PLD3: variants seen among roughly 807,000 people sequenced by gnomAD.
The protein encoded by PLD3 is phospholipase D family member 3, also known as 5'-3' exonuclease PLD3.
PLD3 carries 31 observed loss-of-function variants against 58.4 expected under a neutral mutation model. That is an observed-to-expected ratio of 0.53 (90% CI 0.40 to 0.72). The LOEUF is 0.72. PLD3 is among the 30% of genes least tolerant of loss of function. The probability of loss-of-function intolerance (pLI) is 0.00; values close to 1 mark genes in which losing one functional copy is unlikely to be tolerated. For synonymous variants in PLD3, 264 were observed against 273.4 expected, an observed-to-expected ratio of 0.97 and a Z score of 0.34; for missense variants, 595 against 659.8, an observed-to-expected ratio of 0.90 and a Z score of 1.08.
In PLD3 at chr19:40,370,027, C is replaced by G; in HGVS notation, c.549C>G (p.Ser183Arg). The stretch of plus-strand genomic sequence containing the variant: ...CGGACCTGCAGGCTCTGCTGCAGAG[C>G]GGTGAGCTGGGGCCCAACTGGGGCT... ...PQADLQALLQ[S>R]GAQVRMVDMQ... Residue 183 changes from serine to arginine, a missense_variant and splice_region_variant, in exon 7 of 13, where the codon AGC (serine) becomes AGG (arginine). Physicochemically the swap from Ser to Arg is moderately radical, Grantham distance 110 (BLOSUM62 -1). Transcript: ENST00000409735. 1 of 1,563,780 alleles carries G rather than the reference C, an allele frequency of 6.4e-7. No individual in the cohort carries two copies. The highest frequency in any genetic ancestry group is 1.2e-5 in the South Asian group (1 of 85,620).
At chr19:40,349,361 C>T (rs1190384320) in intron 1 of PLD3, among the ~76,000 whole-genome samples, 1 of 152,116 alleles carries the variant, frequency 6.6e-6, no homozygotes, top group African/African-American at 2.4e-5. Context: ...CCAGTTTTCC[C>T]CATAAGGAGC....
At position 40,371,773 on chromosome 19, in the gene PLD3, C is replaced by G. The variant is rs773251407; in HGVS notation, c.779C>G (p.Ser260Cys). The G allele has an allele frequency of 1.9e-6, 3 of 1,613,986 alleles. No homozygotes were observed. The East Asian group carries it at 6.7e-5, about 36-fold the overall frequency. Reference protein sequence around the residue: ...AYWFLGQAGSSIPSTWPRFYD... With the variant: ...AYWFLGQAGSCIPSTWPRFYD... ...TGGTTCCTGGGCCAGGCAGGCAGCT[C>G]CATCCCATCAACTTGGCCCCGGTTC... The change falls in exon 9 of 13, where the codon TCC becomes TGC. Residue 260 changes from serine to cysteine, a missense_variant. Ser to Cys is a moderately radical substitution (Grantham distance 112, BLOSUM62 -1). Transcript: ENST00000409735.
intron 1 of PLD3, among the ~76,000 whole-genome samples, chr19:40,361,759 A>C (rs1600284034): frequency 8.3e-5 from 12 of 145,086 alleles, no homozygotes; most frequent in South Asian, 4.5e-4. Context: ...AAACAATTCC[A>C]CCCCCACCCC....
rs1038521569 is a variant in PLD3 at position 40,374,502 on chromosome 19, C to G, written c.901C>G (p.Pro301Ala). 1.9e-6 allele frequency: 3 copies of G among 1,614,154 alleles called. No homozygotes were observed. The African/African-American group carries it at 4.0e-5, about 22-fold the overall frequency. The change falls in exon 10 of 13, where the codon CCA becomes GCA. Residue 301 changes from proline to alanine, a missense_variant. By Grantham distance (27) the Pro-to-Ala change is conservative. Transcript: ENST00000409735. ...TCAGAGTGCGCCCCCACCCCTGTGTCCAAGTGGCCGCACTCCAGACCTGAA... is the reference window on the plus strand; with the variant it reads ...TCAGAGTGCGCCCCCACCCCTGTGTGCAAGTGGCCGCACTCCAGACCTGAA... ...YLASAPPPLCPSGRTPDLKAL... is the reference protein window; with the variant it reads ...YLASAPPPLCASGRTPDLKAL...
chr19:40,372,722 T>C (rs1310047977), intron 9 of PLD3, among the ~76,000 whole-genome samples: 1 of 150,648 alleles, frequency 6.6e-6, no homozygotes, highest in African/African-American at 2.4e-5. Context: ...AAACATAATA[T>C]TAATTAAAAT....
chr19:40,361,330 C>G (rs1222139167), intron 1 of PLD3, among the ~76,000 whole-genome samples: 1 of 152,064 alleles, frequency 6.6e-6, no homozygotes, highest in African/African-American at 2.4e-5. Context: ...AGGCTGGTCT[C>G]GAACTCCCAA....
chr19:40,361,880 C>T lies in PLD3; in HGVS notation c.-278-3838C>T, dbSNP rs544610500. ...TTTTTTGAGACGGAGTTTCCTTTGTCGCCCACGCTGGAGTGCGGTGGCGCC... is the reference window on the plus strand; with the variant it reads ...TTTTTTGAGACGGAGTTTCCTTTGTTGCCCACGCTGGAGTGCGGTGGCGCC... On this transcript the variant is annotated intron_variant, in intron 1 of 12. Coordinates refer to ENST00000409735, the MANE Select transcript of PLD3 (RefSeq NM_012268.4). Among the ~76,000 whole-genome samples the T allele has an allele frequency of 6.0e-5, 9 of 149,914 alleles. No homozygotes were observed. The South Asian group carries it at 1.3e-3, about 21-fold the overall frequency.
chr19:40,362,129 G>T (rs1479838110), intron 1 of PLD3, among the ~76,000 whole-genome samples: 1 of 152,166 alleles, frequency 6.6e-6, no homozygotes, highest in African/African-American at 2.4e-5. Context: ...GAGACACCGC[G>T]CCTGGCCTCT....
At chr19:40,366,964 G>A (rs1449889403) in intron 5 of PLD3, 49 bp downstream of exon 5, 5 of 1,553,640 alleles carry the variant, frequency 3.2e-6, no homozygotes, top group Non-Finnish European at 4.3e-6. Context: ...GCCAGACCAG[G>A]TACACTTAAG....
At chr19:40,375,983 T>C (rs1027430422) in intron 10 of PLD3, among the ~76,000 whole-genome samples, 11 of 147,564 alleles carry the variant, frequency 7.5e-5, no homozygotes, top group African/African-American at 2.8e-4. Context: ...AGCCCAGGAG[T>C]TGGAGGCTGC....
intron 1 of PLD3, among the ~76,000 whole-genome samples, chr19:40,350,782 T>C (rs1320535637): frequency 6.6e-6 from 1 of 151,590 alleles, no homozygotes; most frequent in East Asian, 1.9e-4. Flanking sequence ...GACTGTGTAC[T>C]ACACTCTAGT....
intron 1 of PLD3, among the ~76,000 whole-genome samples, chr19:40,361,490 A>T (rs923373082): frequency 6.6e-6 from 1 of 151,922 alleles, no homozygotes; most frequent in Non-Finnish European, 1.5e-5. Context: ...ACCCTGTTCT[A>T]CTCATCACAG....
At chr19:40,361,903 G>A (rs889745098) in intron 1 of PLD3, among the ~76,000 whole-genome samples, 19 of 151,470 alleles carry the variant, frequency 1.3e-4, no homozygotes, top group Admixed American at 9.9e-4. Flanking sequence ...GTGCGGTGGC[G>A]CCAACTCACT....
intron 1 of PLD3, chr19:40,357,399 G>A (rs1030363636): frequency 6.6e-6 from 1 of 152,236 alleles, no homozygotes; most frequent in Non-Finnish European, 1.5e-5. Context: ...CCAGCCTGTG[G>A]ATTTGTAAAT....
chr19:40,363,143 C>A (rs2078828421), intron 1 of PLD3, among the ~76,000 whole-genome samples: 1 of 152,156 alleles, frequency 6.6e-6, no homozygotes, highest in Non-Finnish European at 1.5e-5. Context: ...CTTCAGATCT[C>A]CATGCCCCAC....
chr19:40,356,141 T>C (rs1031742904), intron 1 of PLD3: 2 of 152,392 alleles, frequency 1.3e-5, no homozygotes. Flanking sequence ...GGAAAGCAGC[T>C]GTGGGAGGGT....
Position 40,374,194 on chromosome 19 carries a change from T to C in PLD3, c.880-287T>C, listed in dbSNP as rs2079135541. Among the ~76,000 whole-genome samples, 3 of 152,202 alleles carry C rather than the reference T, an allele frequency of 2.0e-5. No individual in the cohort carries two copies. The South Asian group carries it at 6.2e-4, about 32-fold the overall frequency. On this transcript the variant is annotated intron_variant, in intron 9 of 12. Transcript: ENST00000409735. Reference sequence around the variant, plus strand: ...GCTGTTGCCGCTGGATCAGGGACCTTACGTTGAGAAGCACTGGGTTAGAGC... The same window carrying C: ...GCTGTTGCCGCTGGATCAGGGACCTCACGTTGAGAAGCACTGGGTTAGAGC...
At chr19:40,351,292 C>T (rs997419235) in intron 1 of PLD3, among the ~76,000 whole-genome samples, 28 of 150,694 alleles carry the variant, frequency 1.9e-4, no homozygotes, top group African/African-American at 6.8e-4. Context: ...GCCTATAATC[C>T]CAGCACTTTG....
At chr19:40,374,982 C>A (rs1019417635) in intron 10 of PLD3, among the ~76,000 whole-genome samples, 3 of 151,512 alleles carry the variant, frequency 2.0e-5, no homozygotes, top group Non-Finnish European at 4.4e-5. Context: ...ATGGTGAAAT[C>A]CCATCTCTCC....
Sources: gnomAD v4.1 joint callset for allele counts (sites outside exome capture counted in the v4.1 genomes callset) on GRCh38, gnomAD v4.1.1 for gene constraint, MANE v1.5 for transcripts, NCBI Gene and HGNC (gene_info 2026-07-23, HGNC 2026-07-21) for gene names.